The following DAB1 variants were observed in gnomAD, a reference collection of about 807,000 sequenced individuals.
DAB1 encodes the protein disabled homolog 1.
In DAB1, 15 loss-of-function variants were observed where a neutral mutation model predicts 64.6. The ratio of observed to expected loss-of-function variants is 0.23; its 90% CI spans 0.16 to 0.36. DAB1 has a LOEUF of 0.36. Ranked by LOEUF, DAB1 falls within the 10% of genes least tolerant of loss-of-function variation. The pLI is 1.00. For synonymous variants in DAB1, 235 were observed against 251.9 expected, an observed-to-expected ratio of 0.93 and a Z score of 0.64; for missense variants, 596 against 706.7, an observed-to-expected ratio of 0.84 and a Z score of 1.78.
At chr1:57,592,998 G>A (rs768077061) in intron 7 of DAB1, among the ~76,000 whole-genome samples, 1 of 152,204 alleles carries the variant, frequency 6.6e-6, no homozygotes, top group Non-Finnish European at 1.5e-5. Flanking sequence ...GAGAGACACA[G>A]TTCAGTCCAT....
chr1:57,498,115 T>A (rs1644250581), intron 7 of DAB1, among the ~76,000 whole-genome samples: 1 of 152,228 alleles, frequency 6.6e-6, no homozygotes, highest in South Asian at 2.1e-4. Flanking sequence ...ACTCAGATTC[T>A]TATTAACTTG....
At chr1:57,325,496 T>C (rs1372000045) in intron 1 of DAB1, among the ~76,000 whole-genome samples, 2 of 152,228 alleles carry the variant, frequency 1.3e-5, no homozygotes, top group Non-Finnish European at 1.5e-5. Flanking sequence ...GTGTATAAAG[T>C]ACCTAATGCG....
At chr1:57,476,283 A>C (rs925523663) in intron 7 of DAB1, among the ~76,000 whole-genome samples, 4 of 151,684 alleles carry the variant, frequency 2.6e-5, no homozygotes, top group Non-Finnish European at 5.9e-5. Flanking sequence ...TCATGAATGG[A>C]AAATGGGGAA....
intron 3 of DAB1, among the ~76,000 whole-genome samples, chr1:58,346,543 ATCT>A (rs1342243569): frequency 6.6e-6 from 1 of 152,222 alleles, no homozygotes; most frequent in African/African-American, 2.4e-5. Context: ...TGGATAAGTA[ATCT>A]TCTTCAGAAA....
chr1:57,835,023 AAAGAATGATAAAG>A (rs1652749767), intron 1 of DAB1, among the ~76,000 whole-genome samples: 1 of 152,226 alleles, frequency 6.6e-6, no homozygotes, highest in Non-Finnish European at 1.5e-5. Flanking sequence ...GCTCAATCTT[AAAGAATGATAAAG>A]GAGGGATATT....
intron 4 of DAB1, among the ~76,000 whole-genome samples, chr1:58,154,779 G>A (rs557971121): frequency 6.6e-6 from 1 of 152,088 alleles, no homozygotes; most frequent in East Asian, 1.9e-4. Flanking sequence ...CGTTGGTGGG[G>A]AAAAAGAACA....
intron 5 of DAB1, among the ~76,000 whole-genome samples, chr1:58,007,311 CAGA>C (rs1646599704): frequency 6.6e-6 from 1 of 152,176 alleles, no homozygotes; most frequent in African/African-American, 2.4e-5. Flanking sequence ...CCCTCATCCT[CAGA>C]AGGATTAGAA....
At chr1:57,602,778 C>T (rs1645589748) in intron 7 of DAB1, among the ~76,000 whole-genome samples, 2 of 151,904 alleles carry the variant, frequency 1.3e-5, no homozygotes, top group African/African-American at 4.8e-5. Context: ...GATTTGAATG[C>T]TGTGTGTGTG....
chr1:57,057,388 G>A (rs1176673860), intron 9 of DAB1, among the ~76,000 whole-genome samples: 3 of 151,996 alleles, frequency 2.0e-5, no homozygotes, highest in Non-Finnish European at 4.4e-5. Flanking sequence ...AAAGTCTGTA[G>A]CCAAATGTAG....
intron 7 of DAB1, among the ~76,000 whole-genome samples, chr1:57,627,651 AT>A (rs2101624030): frequency 6.6e-6 from 1 of 152,336 alleles, no homozygotes; most frequent in East Asian, 1.9e-4. Context: ...TTGAATGAAT[AT>A]TTTTAATTGA....
chr1:58,433,288 G>A (rs1644899712), intron 3 of DAB1, among the ~76,000 whole-genome samples: 1 of 152,146 alleles, frequency 6.6e-6, no homozygotes, highest in Admixed American at 6.5e-5. Context: ...TGGGAAAGAG[G>A]AAGGTGGATA....
At chr1:57,937,815 C>A (rs76057890) in intron 5 of DAB1, among the ~76,000 whole-genome samples, 2,302 of 152,292 alleles carry the variant, frequency 0.015, 56 homozygotes, top group African/African-American at 0.053. Context: ...GAGCTGATGT[C>A]CTGGAGCAGG....
intron 14 of DAB1, among the ~76,000 whole-genome samples, chr1:57,000,935 T>C (rs1425841345): frequency 6.6e-6 from 1 of 152,204 alleles, no homozygotes; most frequent in Non-Finnish European, 1.5e-5. Context: ...GAGATAAATA[T>C]TCACACATCT....
intron 9 of DAB1, among the ~76,000 whole-genome samples, chr1:57,044,846 C>A (rs1317092540): frequency 1.3e-5 from 2 of 152,158 alleles, no homozygotes; most frequent in Admixed American, 6.5e-5. Flanking sequence ...CTCTTCTTGG[C>A]CAGGCAGAGG....
chr1:58,538,900 G>C, intron 1 of DAB1: 1 of 872,850 alleles, frequency 1.1e-6, no homozygotes, highest in South Asian at 1.3e-5. Flanking sequence ...ATTCCTAATA[G>C]CTCTTATGGA....
intron 6 of DAB1, among the ~76,000 whole-genome samples, chr1:57,695,635 C>T (rs956091041): frequency 2.0e-5 from 3 of 152,152 alleles, no homozygotes; most frequent in African/African-American, 4.8e-5. Context: ...AGCGGTGGCT[C>T]ACACCTGTAA....
At chr1:57,230,320 G>GAAAAAAAA (rs77981305) in intron 2 of DAB1, among the ~76,000 whole-genome samples, 1 of 91,350 alleles carries the variant, frequency 1.1e-5, no homozygotes. Context: ...CCCCTTCAGA[G>GAAAAAAAA]AAAAAAAAAA....
At chr1:58,098,124 C>A (rs1570349713) in intron 5 of DAB1, among the ~76,000 whole-genome samples, 1 of 152,284 alleles carries the variant, frequency 6.6e-6, no homozygotes, top group East Asian at 1.9e-4. Flanking sequence ...ATGTCTTTTG[C>A]CTGCAAAACT....
At chr1:57,379,029 G>T (rs1681139681) in intron 1 of DAB1, among the ~76,000 whole-genome samples, 1 of 152,112 alleles carries the variant, frequency 6.6e-6, no homozygotes, top group African/African-American at 2.4e-5. Flanking sequence ...AGTTCTTGGG[G>T]ACTAGAACTA....
Sources: allele counts gnomAD v4.1 joint callset (sites outside exome capture counted in the v4.1 genomes callset), GRCh38; gene constraint gnomAD v4.1.1; transcripts MANE v1.5; gene names NCBI Gene and HGNC (gene_info 2026-07-23, HGNC 2026-07-21).